QKI: variants seen among roughly 807,000 people sequenced by gnomAD.
QKI encodes the protein KH domain-containing RNA-binding protein QKI.
Under a neutral mutation model 39.0 loss-of-function variants are expected in QKI, and 10 were observed. The observed-to-expected ratio is 0.26, with a 90% CI of 0.16 to 0.43. QKI has a LOEUF of 0.43. Among genes scored for constraint, QKI ranks in the 20% least tolerant of loss-of-function variants. QKI has a pLI of 1.00. For synonymous variants in QKI, 204 were observed against 155.4 expected (o/e 1.31, Z -2.33); for missense variants, 218 against 428.0 (o/e 0.51, Z 4.33).
intron 3 of QKI, among the ~76,000 whole-genome samples, chr6:163,529,704 C>A (rs1157571408): frequency 1.3e-5 from 2 of 152,112 alleles, no homozygotes; most frequent in Non-Finnish European, 2.9e-5. Context: ...CACGGCACTT[C>A]AGATTAGTGT....
At chr6:163,525,776 G>A (rs537988765) in intron 3 of QKI, among the ~76,000 whole-genome samples, 4 of 152,312 alleles carry the variant, frequency 2.6e-5, no homozygotes, top group African/African-American at 9.6e-5. Flanking sequence ...GGTCGTCAAA[G>A]GCAGACGAGT....
At chr6:163,422,399 C>T (rs987517628) in intron 1 of QKI, among the ~76,000 whole-genome samples, 2 of 152,146 alleles carry the variant, frequency 1.3e-5, no homozygotes, top group African/African-American at 4.8e-5. Context: ...GTGTCATATT[C>T]TGCTTAGCAG....
chr6:163,571,765 A>AT lies in QKI; in HGVS notation c.*1061dup, dbSNP rs544111762. The AT allele has an allele frequency of 5.9e-5, 9 of 151,952 alleles. No homozygotes were observed. In the South Asian group the frequency reaches 1.7e-3, roughly 28 times the overall value. The allele number at this position is 151,952 out of a possible 1,614,324, so 9.4% of individuals were successfully genotyped here. On this transcript the variant is annotated 3_prime_UTR_variant, in exon 8 of 8. Transcript: ENST00000361752. ...AAGAAACCCTTTATTTCATTAAATG[A>AT]TTTTTTCTGGTGGTTGTCAAGAAAC...
At chr6:163,569,658 G>GT (rs1783587693) in intron 7 of QKI, 5 of 1,000,742 alleles carry the variant, frequency 5.0e-6, no homozygotes, top group East Asian at 1.1e-4. Flanking sequence ...AATTTTTAAA[G>GT]TTTTTTTGTC....
rs75687366 is a variant in QKI, at chr6:163,491,651, G to A, written c.402+12755G>A. 2.5e-3 allele frequency among the ~76,000 whole-genome samples: 384 copies of A among 152,112 alleles called. 2 individuals carry two copies. Among genetic ancestry groups the A allele is most frequent in the African/African-American group, 8.7e-3 (360 of 41,516 alleles). Reference sequence around the variant, plus strand: ...CAATAAAGATTAAATGTTTATTTCCGGGTTGATAATATCTCAGTACATTTA... The same window carrying A: ...CAATAAAGATTAAATGTTTATTTCCAGGTTGATAATATCTCAGTACATTTA... On this transcript the variant is annotated intron_variant, in intron 3 of 7. Transcript: ENST00000361752.
At chr6:163,430,286 AT>A (rs1328956757) in intron 1 of QKI, among the ~76,000 whole-genome samples, 1 of 152,068 alleles carries the variant, frequency 6.6e-6, no homozygotes, top group Admixed American at 6.6e-5. Context: ...AATGTGGTAG[AT>A]TGCTGTGATT....
chr6:163,567,286 A>G (rs1018368399), intron 7 of QKI: 6 of 987,022 alleles, frequency 6.1e-6, no homozygotes, highest in Non-Finnish European at 6.0e-6. Context: ...GAGCCACTGT[A>G]TAAACATGAG....
At chr6:163,434,192 A>G (rs1437977700) in intron 1 of QKI, among the ~76,000 whole-genome samples, 1 of 152,138 alleles carries the variant, frequency 6.6e-6, no homozygotes. Flanking sequence ...TAGAAGCTGC[A>G]ATGCTGTAAC....
chr6:163,446,778 T>C (rs1179769677), intron 1 of QKI, among the ~76,000 whole-genome samples: 11 of 152,200 alleles, frequency 7.2e-5, no homozygotes, highest in Admixed American at 7.2e-4. Context: ...TTTTCAAAAG[T>C]GAATGAAGGC....
intron 1 of QKI, among the ~76,000 whole-genome samples, chr6:163,433,019 G>C (rs1388081020): frequency 1.3e-5 from 2 of 152,186 alleles, no homozygotes; most frequent in African/African-American, 2.4e-5. Flanking sequence ...GTGGAAGTAA[G>C]ATCAGAGTTA....
chr6:163,506,330 G>T (rs1406241754), intron 3 of QKI, among the ~76,000 whole-genome samples: 2 of 152,156 alleles, frequency 1.3e-5, no homozygotes, highest in African/African-American at 4.8e-5. Context: ...CACTATAAAA[G>T]TGGTTGTTAA....
chr6:163,452,631 A>G lies in QKI; in HGVS notation c.143-2648A>G, dbSNP rs147659417. Among the ~76,000 whole-genome samples, 355 of 152,352 alleles carry G rather than the reference A, an allele frequency of 2.3e-3. 1 individual carries two copies. Among genetic ancestry groups the G allele is most frequent in the African/African-American group, 8.3e-3 (345 of 41,578 alleles). ...TTTGTGTTATTAATCAAGGAATCACATAGGTATTTATAAAAATACAACTTA... is the reference window on the plus strand; with the variant it reads ...TTTGTGTTATTAATCAAGGAATCACGTAGGTATTTATAAAAATACAACTTA... On this transcript the variant is annotated intron_variant, in intron 1 of 7. Transcript: ENST00000361752.
At chr6:163,450,053 A>G (rs542475779) in intron 1 of QKI, among the ~76,000 whole-genome samples, 15 of 151,844 alleles carry the variant, frequency 9.9e-5, no homozygotes, top group Non-Finnish European at 1.9e-4. Context: ...ATATATGTGT[A>G]TATATATATG....
chr6:163,542,048 T>A (rs1562527367), intron 4 of QKI, among the ~76,000 whole-genome samples: 2 of 151,986 alleles, frequency 1.3e-5, no homozygotes, highest in South Asian at 2.1e-4. Flanking sequence ...GAGAGAGTAC[T>A]TCTGTTCCTT....
chr6:163,471,465 G>A (rs1245307622), intron 2 of QKI, among the ~76,000 whole-genome samples: 1 of 152,160 alleles, frequency 6.6e-6, no homozygotes, highest in Non-Finnish European at 1.5e-5. Context: ...ATAATGGCCT[G>A]TTGAGTTTAA....
chr6:163,455,902 G>A (rs1562450988), intron 2 of QKI, among the ~76,000 whole-genome samples: 1 of 152,074 alleles, frequency 6.6e-6, no homozygotes, highest in Non-Finnish European at 1.5e-5. Context: ...GCATCTTGTT[G>A]TGAATAGCCT....
At chr6:163,418,243 G>T (rs918493040) in intron 1 of QKI, among the ~76,000 whole-genome samples, 6 of 151,922 alleles carry the variant, frequency 3.9e-5, no homozygotes, top group Non-Finnish European at 7.4e-5. Flanking sequence ...AATTTTAAAT[G>T]AGATTTTAAA....
At chr6:163,555,279 A>G (rs1027731931) in intron 4 of QKI, among the ~76,000 whole-genome samples, 2 of 152,192 alleles carry the variant, frequency 1.3e-5, no homozygotes, top group African/African-American at 4.8e-5. Flanking sequence ...AATTCATGAT[A>G]AATTTCTTTA....
intron 1 of QKI, among the ~76,000 whole-genome samples, chr6:163,439,312 C>A (rs1050132698): frequency 6.8e-6 from 1 of 146,436 alleles, no homozygotes; most frequent in Admixed American, 6.9e-5. Context: ...AATTTTCGCT[C>A]TAGAATAATC....
Sources: allele counts gnomAD v4.1 joint callset (sites outside exome capture counted in the v4.1 genomes callset), GRCh38; gene constraint gnomAD v4.1.1; transcripts MANE v1.5; gene names NCBI Gene and HGNC (gene_info 2026-07-23, HGNC 2026-07-21).